Variants in NAV2 observed in about 807,000 individuals in gnomAD.
NAV2 encodes the protein helicase, APC down-regulated 1.
NAV2 carries 54 observed loss-of-function variants against 223.2 expected under a neutral mutation model. The ratio of observed to expected loss-of-function variants is 0.24; its 90% CI spans 0.19 to 0.30. The LOEUF (loss-of-function observed/expected upper bound fraction) is 0.30, where lower values mean the gene tolerates loss of function less well. Among genes scored for constraint, NAV2 ranks in the 10% least tolerant of loss-of-function variants. NAV2 has a pLI of 1.00. For missense variants in NAV2, 2,806 were observed against 3,147.5 expected, an observed-to-expected ratio of 0.89 and a Z score of 2.60; for synonymous variants, 1,279 against 1,239.3, an observed-to-expected ratio of 1.03 and a Z score of -0.67.
At chr11:19,987,651 G>A (rs1387194960) in intron 11 of NAV2, among the ~76,000 whole-genome samples, 1 of 152,242 alleles carries the variant, frequency 6.6e-6, no homozygotes, top group Non-Finnish European at 1.5e-5. Context: ...GATGCCTTCA[G>A]AGCCTGGGAG....
At chr11:19,959,392 G>A (rs1258255592) in intron 10 of NAV2, among the ~76,000 whole-genome samples, 1 of 152,238 alleles carries the variant, frequency 6.6e-6, no homozygotes, top group African/African-American at 2.4e-5. Flanking sequence ...GAGGCAAAAT[G>A]TGGGGGCTCC....
Position 19,713,975 on chromosome 11 carries a change from G to C in NAV2, c.267+13G>C. On this transcript the variant is annotated intron_variant, in intron 1 of 37. Transcript: ENST00000349880. This position sits in a 1 kb window ranked among gnomAD's most constrained non-coding sequence, Gnocchi z 7.2. ...GTTCGATACCCAGGTGAGAGATGCC[G>C]TTTGCCGGGGTACTGTTCTGGAAGG... 4 of 1,612,382 alleles carry C rather than the reference G, an allele frequency of 2.5e-6. No individual in the cohort carries two copies. Among genetic ancestry groups the C allele is most frequent in the Non-Finnish European group, 3.4e-6 (4 of 1,179,598 alleles).
In NAV2 at chr11:19,713,650, C is replaced by T. The variant is rs749553021; in HGVS notation, c.-46C>T. On this transcript the variant is annotated 5_prime_UTR_variant, in exon 1 of 38. Coordinates refer to ENST00000349880, the MANE Select transcript of NAV2 (RefSeq NM_145117.5). This position sits in a 1 kb window ranked among gnomAD's most constrained non-coding sequence, Gnocchi z 7.2. ...CGCTGCCTTTAGCGGTCGCCCCCGC[C>T]GCCGCTGCCAGGGACGTGCTGGGAA... 5 of 1,497,922 alleles carry T rather than the reference C, an allele frequency of 3.3e-6. No homozygotes were observed. Among genetic ancestry groups the T allele is most frequent in the Non-Finnish European group, 3.6e-6 (4 of 1,123,284 alleles). The allele number at this position is 1,497,922 out of a possible 1,614,324, so 92.8% of individuals were successfully genotyped here.
chr11:19,520,571 T>C (rs2632058), intron 1 of NAV2, among the ~76,000 whole-genome samples: 63,674 of 152,092 alleles, frequency 0.42, 13,788 homozygotes, highest in African/African-American at 0.51. Flanking sequence ...CCAAGCTCTA[T>C]GCAAATGCTG....
chr11:19,572,419 T>G (rs2134914022), intron 1 of NAV2, among the ~76,000 whole-genome samples: 1 of 152,322 alleles, frequency 6.6e-6, no homozygotes, highest in Middle Eastern at 3.4e-3. Context: ...TGTCATCCCT[T>G]TGCTGTAGTA....
chr11:19,614,058 C>A (rs1236180353), intron 1 of NAV2, among the ~76,000 whole-genome samples: 2 of 152,168 alleles, frequency 1.3e-5, no homozygotes, highest in South Asian at 4.2e-4. Context: ...CATGAAAAAG[C>A]TTTCAGAACT....
chr11:19,868,845 T>A (rs1360040657), intron 3 of NAV2, 80 bp from the exon 4 acceptor site: 6 of 1,421,922 alleles, frequency 4.2e-6, no homozygotes. Context: ...AGCATTCTGT[T>A]TTCCCATTGT....
intron 1 of NAV2, among the ~76,000 whole-genome samples, chr11:19,672,938 G>A (rs1341849640): frequency 1.3e-5 from 2 of 152,170 alleles, no homozygotes; most frequent in African/African-American, 2.4e-5. Flanking sequence ...GTGTTTGTGT[G>A]TTTGTTTGCT....
At chr11:19,982,560 CACTT>C (rs2050397125) in intron 10 of NAV2, among the ~76,000 whole-genome samples, 1 of 152,158 alleles carries the variant, frequency 6.6e-6, no homozygotes, top group Non-Finnish European at 1.5e-5. Flanking sequence ...CAAGCACAAA[CACTT>C]AGTCTGATTT....
At position 20,077,560 on chromosome 11, in the gene NAV2, T is replaced by C. The variant is rs1279881618; in HGVS notation, c.4992T>C (p.Leu1664=). 1.9e-6 allele frequency: 3 copies of C among 1,613,614 alleles called. No homozygotes were observed. Among genetic ancestry groups the C allele is most frequent in the South Asian group, 2.2e-5 (2 of 91,060 alleles). The stretch of plus-strand genomic sequence containing the variant: ...TGTGTCTTCCCCTCCAGGCTCACCT[T>C]GTGGCAGCCTTTGAACAGAGTCTTG... ...LTTQLTANAH[L]VAAFEQSLGN... is the part of the protein sequence containing the mutation. The change falls in exon 23 of 38, where the codon CTT becomes CTC. Residue 1664 remains leucine (L), a synonymous_variant. Transcript: ENST00000349880.
chr11:19,957,636 G>C (rs748338969), intron 10 of NAV2, among the ~76,000 whole-genome samples: 1 of 152,182 alleles, frequency 6.6e-6, no homozygotes, highest in African/African-American at 2.4e-5. Flanking sequence ...GCCCTTATCG[G>C]CGTCTGGGTA....
chr11:19,765,528 C>T (rs949358352), intron 1 of NAV2, among the ~76,000 whole-genome samples: 2 of 151,888 alleles, frequency 1.3e-5, no homozygotes, highest in Admixed American at 1.3e-4. Context: ...GAAAGCTGTC[C>T]TTAACTGACG....
intron 10 of NAV2, among the ~76,000 whole-genome samples, chr11:19,972,630 C>T (rs2049344226): frequency 1.3e-5 from 2 of 152,134 alleles, no homozygotes; most frequent in African/African-American, 4.8e-5. Flanking sequence ...CCTGATCTCC[C>T]TCCCCCAAGC....
At chr11:19,523,758 A>T (rs966601724) in intron 1 of NAV2, among the ~76,000 whole-genome samples, 1 of 152,094 alleles carries the variant, frequency 6.6e-6, no homozygotes, top group Non-Finnish European at 1.5e-5. Flanking sequence ...CACCATCTGC[A>T]CCCCACCTTC....
chr11:19,501,348 T>C (rs1456309163), intron 1 of NAV2, among the ~76,000 whole-genome samples: 1 of 152,158 alleles, frequency 6.6e-6, no homozygotes. Context: ...CTATTCTCTC[T>C]ATATACATGG....
intron 1 of NAV2, among the ~76,000 whole-genome samples, chr11:19,556,501 C>G (rs2044895787): frequency 6.6e-6 from 1 of 152,190 alleles, no homozygotes; most frequent in African/African-American, 2.4e-5. Context: ...TTTTGTGCCA[C>G]AGACACCTTT....
chr11:20,005,253 A>ATTTTTTT (rs35999844), intron 11 of NAV2, among the ~76,000 whole-genome samples: 3 of 134,552 alleles, frequency 2.2e-5, no homozygotes, highest in Non-Finnish European at 4.7e-5. Context: ...ATATATATAT[A>ATTTTTTT]TTTTTTTTTT....
chr11:19,513,095 T>C (rs747060303), intron 1 of NAV2, among the ~76,000 whole-genome samples: 10 of 152,150 alleles, frequency 6.6e-5, no homozygotes, highest in Non-Finnish European at 1.3e-4. Flanking sequence ...TTCTAGACCA[T>C]GTGTGACAAG....
intron 1 of NAV2, 54 bp downstream of exon 1, chr11:19,714,016 T>C: frequency 6.3e-7 from 1 of 1,594,184 alleles, no homozygotes. Flanking sequence ...TGAATAGTTC[T>C]TTCGGGATGG....
Sources: allele counts gnomAD v4.1 joint callset (sites outside exome capture counted in the v4.1 genomes callset), GRCh38; gene constraint gnomAD v4.1.1; non-coding constraint Gnocchi (gnomAD v3.1); transcripts MANE v1.5; gene names NCBI Gene and HGNC (gene_info 2026-07-23, HGNC 2026-07-21).